The following PDE7A variants were observed in gnomAD, a reference collection of about 807,000 sequenced individuals.
PDE7A encodes the protein high affinity 3',5'-cyclic-AMP phosphodiesterase 7A.
Under a neutral mutation model 64.3 loss-of-function variants are expected in PDE7A, and 39 were observed. The ratio of observed to expected loss-of-function variants is 0.61; its 90% CI spans 0.47 to 0.79. The LOEUF is 0.79. Ranked by LOEUF, PDE7A falls within the 30% of genes least tolerant of loss-of-function variation. PDE7A has a pLI of 0.00. For missense variants in PDE7A, 470 were observed against 582.8 expected (o/e 0.81, Z 1.99); for synonymous variants, 203 against 206.8 (o/e 0.98, Z 0.16).
At chr8:65,801,019 T>C (rs1156581896) in intron 1 of PDE7A, among the ~76,000 whole-genome samples, 1 of 152,066 alleles carries the variant, frequency 6.6e-6, no homozygotes, top group African/African-American at 2.4e-5. Context: ...CAGAATCAGA[T>C]AGAGTCGTGC....
intron 1 of PDE7A, among the ~76,000 whole-genome samples, chr8:65,787,436 T>A (rs1304092862): frequency 2.0e-5 from 3 of 152,192 alleles, no homozygotes; most frequent in Non-Finnish European, 4.4e-5. Context: ...GAAGTCAATT[T>A]CCTCTGACAT....
Position 65,727,157 on chromosome 8 carries a change from A to G in PDE7A, c.828+13T>C. 7.0e-7 allele frequency: 1 copy of G among 1,420,066 alleles called. No individual in the cohort carries two copies. The highest frequency in any genetic ancestry group is 1.4e-5 in the African/African-American group (1 of 70,708). 88.0% of individuals were successfully genotyped at this position (1,420,066 alleles called of 1,614,324 possible). ...GCAAAAATAATAAATCTTGATGATA[A>G]AATTGCACTAACCTTGTATAAAGTT... is the stretch of plus-strand genomic sequence containing the variant. On this transcript the variant is annotated intron_variant, in intron 8 of 12. Transcript: ENST00000401827.
Position 65,841,850 on chromosome 8 carries a change from CG to C in PDE7A, c.-343del, listed in dbSNP as rs1232858790. On this transcript the variant is annotated 5_prime_UTR_variant, in exon 1 of 13. Transcript: ENST00000401827. ...TCCTCGGCCGAGAGGAGCAGGTACC[CG>C]GACTGCAGAGTTCGAGCGCAGCACG... 1 of 157,254 alleles carries C rather than the reference CG, an allele frequency of 6.4e-6. No individual in the cohort carries two copies. The highest frequency in any genetic ancestry group is 6.5e-5 in the Admixed American group (1 of 15,326). The allele number at this position is 157,254 out of a possible 1,614,324, so 9.7% of individuals were successfully genotyped here.
chr8:65,736,859 C>T (rs1288850431), intron 6 of PDE7A, among the ~76,000 whole-genome samples: 3 of 136,260 alleles, frequency 2.2e-5, no homozygotes, highest in South Asian at 2.5e-4. Flanking sequence ...TCTAGCTCTT[C>T]ATTTGGCTGT....
intron 3 of PDE7A, 43 bp from the exon 4 acceptor site, chr8:65,747,846 T>C (rs200023064): frequency 9.6e-6 from 13 of 1,356,596 alleles, no homozygotes; most frequent in Non-Finnish European, 1.3e-5. Context: ...AAGTTAAAAT[T>C]ATACACATGC....
At chr8:65,785,420 A>G (rs1399351232) in intron 1 of PDE7A, among the ~76,000 whole-genome samples, 1 of 152,194 alleles carries the variant, frequency 6.6e-6, no homozygotes, top group African/African-American at 2.4e-5. Flanking sequence ...AATCATATAG[A>G]CTACACTTCT....
At chr8:65,740,626 T>C (rs886208209) in intron 5 of PDE7A, among the ~76,000 whole-genome samples, 1 of 152,172 alleles carries the variant, frequency 6.6e-6, no homozygotes, top group African/African-American at 2.4e-5. Flanking sequence ...GGTCTCGAAC[T>C]CCTGACCTTG....
intron 6 of PDE7A, among the ~76,000 whole-genome samples, chr8:65,738,888 G>A (rs1807269861): frequency 6.6e-6 from 1 of 152,244 alleles, no homozygotes; most frequent in African/African-American, 2.4e-5. Flanking sequence ...TGTGGCCAAT[G>A]TAAGGAACAT....
At chr8:65,830,895 A>G (rs1306108243) in intron 1 of PDE7A, among the ~76,000 whole-genome samples, 5 of 152,126 alleles carry the variant, frequency 3.3e-5, no homozygotes, top group Admixed American at 1.3e-4. Context: ...AAAAGAATAC[A>G]TTAGGATAAT....
intron 1 of PDE7A, among the ~76,000 whole-genome samples, chr8:65,837,938 G>T (rs1002238306): frequency 3.3e-5 from 5 of 151,496 alleles, no homozygotes; most frequent in Admixed American, 2.0e-4. Context: ...GGGCTGCTCA[G>T]CCTGTAATTC....
intron 3 of PDE7A, among the ~76,000 whole-genome samples, chr8:65,776,097 A>G (rs998705061): frequency 1.3e-5 from 2 of 152,156 alleles, no homozygotes; most frequent in African/African-American, 4.8e-5. Flanking sequence ...ATCTTACCTG[A>G]ATTATCAGCA....
intron 1 of PDE7A, among the ~76,000 whole-genome samples, chr8:65,833,552 G>T (rs1014030239): frequency 1.3e-5 from 2 of 152,162 alleles, no homozygotes; most frequent in Non-Finnish European, 2.9e-5. Flanking sequence ...GAGCACAACA[G>T]GCCTTTCTGG....
At chr8:65,806,794 G>A (rs970799030) in intron 1 of PDE7A, among the ~76,000 whole-genome samples, 11 of 152,172 alleles carry the variant, frequency 7.2e-5, no homozygotes, top group African/African-American at 2.7e-4. Flanking sequence ...TTGTTGAAAA[G>A]ACTATTCTTT....
chr8:65,826,254 C>T (rs1280074437), intron 1 of PDE7A, among the ~76,000 whole-genome samples: 4 of 152,202 alleles, frequency 2.6e-5, no homozygotes, highest in Non-Finnish European at 5.9e-5. Context: ...CTGACACAAT[C>T]TTACTGCATC....
At chr8:65,819,322 G>A (rs1005909969) in intron 1 of PDE7A, among the ~76,000 whole-genome samples, 3 of 152,200 alleles carry the variant, frequency 2.0e-5, no homozygotes, top group African/African-American at 7.2e-5. Context: ...ACTTAAGCAC[G>A]GACGTTCAGG....
In PDE7A at chr8:65,761,091, G is replaced by A. The variant is rs183852929; in HGVS notation, c.284-13288C>T. On this transcript the variant is annotated intron_variant, in intron 3 of 12. Transcript: ENST00000401827. ...TTTTTTTTTTTTTAGACGGAGTCTC[G>A]CCCTGTGGCGTAGGCTAGAGTGCAG... Among the ~76,000 whole-genome samples the A allele has an allele frequency of 2.4e-3, 364 of 148,626 alleles. 7 individuals carry two copies. The highest frequency in any genetic ancestry group is 0.023 in the Admixed American group (338 of 14,878).
intron 1 of PDE7A, among the ~76,000 whole-genome samples, chr8:65,810,264 G>GC (rs997861774): frequency 3.3e-5 from 5 of 150,928 alleles, no homozygotes; most frequent in Non-Finnish European, 7.4e-5. Context: ...ACCAAACACC[G>GC]CATGTTCTCA....
chr8:65,742,001 G>A lies in PDE7A; in HGVS notation c.500-2404C>T, dbSNP rs368583704. On this transcript the variant is annotated intron_variant, in intron 5 of 12. Transcript: ENST00000401827. ...TGTACTACCCATATGTAATTGAAAA[G>A]CTGCATGCAAGATACCAACTGAGGA... Among the ~76,000 whole-genome samples the A allele has an allele frequency of 2.6e-5, 4 of 152,262 alleles. No individual in the cohort carries two copies. In the South Asian group the frequency reaches 8.3e-4, roughly 32 times the overall value.
chr8:65,732,776 G>A (rs1163861308), intron 7 of PDE7A, among the ~76,000 whole-genome samples: 1 of 152,160 alleles, frequency 6.6e-6, no homozygotes, highest in Non-Finnish European at 1.5e-5. Context: ...GCCTCCCAAA[G>A]TATTGAGATT....
Sources: allele counts gnomAD v4.1 joint callset (sites outside exome capture counted in the v4.1 genomes callset), GRCh38; gene constraint gnomAD v4.1.1; transcripts MANE v1.5; gene names NCBI Gene and HGNC (gene_info 2026-07-23, HGNC 2026-07-21).